The following DAB1 variants were observed in gnomAD, a reference collection of about 807,000 sequenced individuals.
DAB1 encodes DAB adaptor protein 1.
A neutral mutation model predicts 64.6 loss-of-function variants in DAB1; 15 were observed. The observed-to-expected ratio is 0.23, with a 90% CI of 0.16 to 0.36. The LOEUF (loss-of-function observed/expected upper bound fraction) is 0.36. Ranked by LOEUF, DAB1 falls within the 10% of genes least tolerant of loss-of-function variation. The pLI, the probability that DAB1 is intolerant of heterozygous loss-of-function variation, is 1.00. For synonymous variants in DAB1, 235 were observed against 251.9 expected (o/e 0.93, Z 0.64); for missense variants, 596 against 706.7 (o/e 0.84, Z 1.78).
chr1:58,116,943 C>G (rs1652372085), intron 5 of DAB1, among the ~76,000 whole-genome samples: 1 of 152,154 alleles, frequency 6.6e-6, no homozygotes, highest in African/African-American at 2.4e-5. Flanking sequence ...ATAAAGAACA[C>G]AAAGGACAAC....
At chr1:57,725,791 G>T (rs1286677302) in intron 6 of DAB1, among the ~76,000 whole-genome samples, 1 of 150,462 alleles carries the variant, frequency 6.6e-6, no homozygotes, top group Non-Finnish European at 1.5e-5. Flanking sequence ...TCACTCTGTT[G>T]CCTAGGCTGG....
chr1:57,967,566 T>C (rs987859869), intron 5 of DAB1, among the ~76,000 whole-genome samples: 4 of 152,180 alleles, frequency 2.6e-5, no homozygotes, highest in African/African-American at 9.7e-5. Context: ...GGACAAGGTG[T>C]AGAGTTGGAA....
At chr1:57,013,183 A>G (rs1854508) in intron 12 of DAB1, among the ~76,000 whole-genome samples, 38,879 of 152,152 alleles carry the variant, frequency 0.26, 6,892 homozygotes, top group African/African-American at 0.49. Context: ...ACGATGCTCT[A>G]AAACATAACA....
chr1:58,471,197 C>G (rs1319806227), intron 3 of DAB1, among the ~76,000 whole-genome samples: 1 of 152,146 alleles, frequency 6.6e-6, no homozygotes, highest in Non-Finnish European at 1.5e-5. Context: ...TTCTGGGGTC[C>G]TATGTTGGTA....
chr1:57,641,389 T>TTTTG (rs1646127759), intron 7 of DAB1, among the ~76,000 whole-genome samples: 1 of 140,264 alleles, frequency 7.1e-6, no homozygotes, highest in Non-Finnish European at 1.5e-5. Flanking sequence ...GTTTTTTTTT[T>TTTTG]TTTTTTTTTT....
chr1:57,242,227 T>C (rs1283073748), intron 2 of DAB1, among the ~76,000 whole-genome samples: 1 of 152,238 alleles, frequency 6.6e-6, no homozygotes, highest in African/African-American at 2.4e-5. Context: ...CTGAACTTTT[T>C]CTAAGAGTTG....
chr1:57,395,791 C>T (rs887892974), intron 1 of DAB1, among the ~76,000 whole-genome samples: 2 of 44,302 alleles, frequency 4.5e-5, no homozygotes, highest in African/African-American at 3.1e-4. Flanking sequence ...GCTCCCATGG[C>T]TACCATATTA....
chr1:58,224,030 C>A (rs1008163176), intron 4 of DAB1, among the ~76,000 whole-genome samples: 2 of 152,232 alleles, frequency 1.3e-5, no homozygotes, highest in African/African-American at 2.4e-5. Context: ...AGAGGAGAAG[C>A]CACTACCTGC....
intron 5 of DAB1, among the ~76,000 whole-genome samples, chr1:57,992,442 A>G (rs1646358784): frequency 6.6e-6 from 1 of 152,206 alleles, no homozygotes; most frequent in South Asian, 2.1e-4. Flanking sequence ...TAGGCAGTGT[A>G]GATAAAGATG....
intron 5 of DAB1, among the ~76,000 whole-genome samples, chr1:58,013,817 T>C (rs929262945): frequency 1.8e-4 from 27 of 152,102 alleles, no homozygotes; most frequent in African/African-American, 6.3e-4. Context: ...ATGGTGGGAG[T>C]GCTTACACCA....
intron 3 of DAB1, among the ~76,000 whole-genome samples, chr1:58,371,008 T>C (rs981252787): frequency 1.3e-5 from 2 of 152,214 alleles, no homozygotes; most frequent in Admixed American, 6.5e-5. Flanking sequence ...GGGTCATTGC[T>C]ATAACATACC....
intron 1 of DAB1, among the ~76,000 whole-genome samples, chr1:57,300,546 T>G (rs1673558406): frequency 6.6e-6 from 1 of 152,124 alleles, no homozygotes; most frequent in Non-Finnish European, 1.5e-5. Flanking sequence ...AGAGAAGACG[T>G]AATCAATCCT....
chr1:57,751,468 C>T (rs1339316636), intron 6 of DAB1, among the ~76,000 whole-genome samples: 1 of 152,056 alleles, frequency 6.6e-6, no homozygotes, highest in African/African-American at 2.4e-5. Context: ...TCTCTCAGCC[C>T]TGATGACTCT....
intron 4 of DAB1, among the ~76,000 whole-genome samples, chr1:58,155,826 C>T (rs1655192857): frequency 6.6e-6 from 1 of 152,212 alleles, no homozygotes; most frequent in African/African-American, 2.4e-5. Flanking sequence ...CAATAAATGA[C>T]TTCATGATGA....
intron 6 of DAB1, among the ~76,000 whole-genome samples, chr1:57,733,096 G>A (rs529677316): frequency 1.3e-5 from 2 of 152,108 alleles, no homozygotes; most frequent in South Asian, 2.1e-4. Flanking sequence ...ATTAAGGAAC[G>A]AAAAGACAGA....
At chr1:58,221,200 A>C (rs532142876) in intron 4 of DAB1, among the ~76,000 whole-genome samples, 1 of 152,214 alleles carries the variant, frequency 6.6e-6, no homozygotes, top group Admixed American at 6.5e-5. Flanking sequence ...AGCTTGCCTG[A>C]GAAAATATGA....
At chr1:57,721,358 G>C (rs1647148355) in intron 6 of DAB1, among the ~76,000 whole-genome samples, 1 of 152,154 alleles carries the variant, frequency 6.6e-6, no homozygotes, top group Non-Finnish European at 1.5e-5. Flanking sequence ...CAGAAGAAAA[G>C]GTGGATCTGA....
At chr1:58,261,064 G>A (rs914634244) in intron 4 of DAB1, among the ~76,000 whole-genome samples, 18 of 151,976 alleles carry the variant, frequency 1.2e-4, no homozygotes, top group Non-Finnish European at 2.6e-4. Context: ...TTTTTCTCGG[G>A]CTTATCAAGA....
chr1:57,537,191 G>T (rs547843341), intron 7 of DAB1, among the ~76,000 whole-genome samples: 1 of 152,114 alleles, frequency 6.6e-6, no homozygotes, highest in Admixed American at 6.5e-5. Flanking sequence ...AATTATACAT[G>T]TGAGTCACAT....
Sources: allele counts gnomAD v4.1 joint callset (sites outside exome capture counted in the v4.1 genomes callset), GRCh38; gene constraint gnomAD v4.1.1; transcripts MANE v1.5; gene names NCBI Gene and HGNC (gene_info 2026-07-23, HGNC 2026-07-21).